The following ZSCAN10 variants were observed in gnomAD, a reference collection of about 807,000 sequenced individuals.
ZSCAN10 encodes zinc finger and SCAN domain-containing protein 10.
A neutral mutation model predicts 63.7 loss-of-function variants in ZSCAN10; 52 were observed. The ratio of observed to expected loss-of-function variants is 0.82; its 90% CI spans 0.65 to 1.03. The LOEUF (loss-of-function observed/expected upper bound fraction) is 1.03, where lower values mean the gene tolerates loss of function less well. Ranked by LOEUF, ZSCAN10 falls within the 50% of genes least tolerant of loss-of-function variation. The probability of loss-of-function intolerance (pLI) is 0.00; values close to 1 mark genes in which losing one functional copy is unlikely to be tolerated. For missense variants in ZSCAN10, 1,223 were observed against 1,103.8 expected (o/e 1.11, Z -1.53); for synonymous variants, 544 against 479.6 (o/e 1.13, Z -1.76).
chr16:3,090,082 A>C lies in ZSCAN10; in HGVS notation c.1352T>G (p.Leu451Arg). 1 of 1,605,128 alleles carries C rather than the reference A, an allele frequency of 6.2e-7. No homozygotes were observed. Among genetic ancestry groups the C allele is most frequent in the Non-Finnish European group, 8.5e-7 (1 of 1,179,052 alleles). ...FQRRASLVQH[L>R]LAHAQDQKPP... The stretch of plus-strand genomic sequence containing the variant: ...CTTCTGGTCCTGGGCGTGCGCCAGC[A>C]GGTGCTGCACAAGGCTGGCGCGGCG... The change falls in exon 6 of 6, where the codon CTG (leucine) becomes CGG (arginine). Residue 451 changes from leucine to arginine, a missense_variant. Leu to Arg is a moderately radical substitution (Grantham distance 102). Coordinates refer to ENST00000576985, the MANE Select transcript of ZSCAN10 (RefSeq NM_032805.3).
Position 3,091,560 on chromosome 16 carries a change from G to A in ZSCAN10, c.767C>T (p.Ala256Val), listed in dbSNP as rs758487406. Residue 256 changes from alanine to valine, a missense_variant, in exon 5 of 6, where the codon GCG (alanine) becomes GTG (valine). Physicochemically the swap from Ala to Val is moderately conservative, Grantham distance 64 (BLOSUM62 0). Transcript: ENST00000576985. ...LTFEDVPENK[A>V]WPAHPLGFGS... ...CTTACCCAGGGGGTGTGCAGGCCAC[G>A]CCTTATTCTCTGGCACATCCTCAAA... 14 of 1,614,158 alleles carry A rather than the reference G, an allele frequency of 8.7e-6. No homozygotes were observed. In the Middle Eastern group the frequency reaches 4.9e-4, roughly 57 times the overall value.
Position 3,089,119 on chromosome 16 carries a change from C to CGCAGGTGGCGCA in ZSCAN10, c.2303_2314dup (p.Leu768_Leu771dup). On this transcript the variant is annotated inframe_insertion, in exon 6 of 6. Coordinates refer to ENST00000576985, the MANE Select transcript of ZSCAN10 (RefSeq NM_032805.3). Reference sequence around the variant, plus strand: ...GTACAGCGTCTCGCGGGCGTGGGTGCGCAGGTGGCGCAGCAGGTGGGAGTT... The same window carrying CGCAGGTGGCGCA: ...GTACAGCGTCTCGCGGGCGTGGGTGCGCAGGTGGCGCAGCAGGTGGCGCAGCAGGTGGGAGTT... The CGCAGGTGGCGCA allele has an allele frequency of 6.6e-7, 1 of 1,516,788 alleles. No individual in the cohort carries two copies. The highest frequency in any genetic ancestry group is 2.3e-5 in the East Asian group (1 of 43,092). 94.0% of individuals were successfully genotyped at this position (1,516,788 alleles called of 1,614,324 possible). A position where few individuals can be genotyped will look rare whatever the true frequency, so the allele number is the denominator to read the frequency against.
rs554846409 is a variant in ZSCAN10 at position 3,091,452 on chromosome 16, G to C, written c.787+88C>G. The C allele has an allele frequency of 2.8e-6, 4 of 1,453,088 alleles. No individual in the cohort carries two copies. In the East Asian group the frequency reaches 9.1e-5, roughly 33 times the overall value. 90.0% of individuals were successfully genotyped at this position (1,453,088 alleles called of 1,614,324 possible). ...TGAGCCCAGGAGTGGAGACTAGCCT[G>C]GGCAACATAGCGAGATTCCATCTCT... is the stretch of plus-strand genomic sequence containing the variant. On this transcript the variant is annotated intron_variant, in intron 5 of 5. Transcript: ENST00000576985.
intron 1 of ZSCAN10, among the ~76,000 whole-genome samples, chr16:3,097,099 A>G (rs1424372802): frequency 6.7e-6 from 1 of 149,704 alleles, no homozygotes; most frequent in Non-Finnish European, 1.5e-5. Flanking sequence ...TCTGTCTCAA[A>G]AAAAAAAAAA....
Position 3,090,041 on chromosome 16 carries a change from C to T in ZSCAN10, c.1393G>A (p.Glu465Lys), listed in dbSNP as rs139013310. ...AGTGGCGGCGCTTCGGCCTTACTCT[C>T]AGGAGCGCAGGGCGGCTTCTGGTCC... ...AQDQKPPCAP[E>K]SKAEAPPLTD... is the part of the protein sequence containing the mutation. The change falls in exon 6 of 6, where the codon GAG becomes AAG. Residue 465 changes from glutamate (E) to lysine (K), a missense_variant. Transcript: ENST00000576985. 132 of 1,599,998 alleles carry T rather than the reference C, an allele frequency of 8.3e-5. No homozygotes were observed. In the East Asian group the frequency reaches 2.8e-3, roughly 34 times the overall value.
Position 3,089,511 on chromosome 16 carries a change from C to T in ZSCAN10, c.1923G>A (p.Glu641=). The change falls in exon 6 of 6, where the codon GAG becomes GAA. Residue 641 remains glutamate (E), a synonymous_variant. Transcript: ENST00000576985. ...EKPCRCSECG[E]GFSQSAHLAR... ...CCAGGTGGGCGCTCTGGCTGAAGCC[C>T]TCACCGCACTCGCTGCAGCGGCAGG... 6.2e-7 allele frequency: 1 copy of T among 1,601,424 alleles called. No individual in the cohort carries two copies.
Position 3,092,624 on chromosome 16 carries a change from T to G in ZSCAN10, c.314A>C (p.Gln105Pro), listed in dbSNP as rs1353836267. The change falls in exon 2 of 6, where the codon CAG (glutamine) becomes CCG (proline). Residue 105 changes from glutamine to proline, a missense_variant. Transcript: ENST00000576985. ...VLPPHLLGRL[Q>P]GQPLRDGEEV... ...CTCCCCATCCCTGAGCGGCTGCCCC[T>G]GCAGGCGGCCCAGGAGGTGCGGAGG... 2 of 1,606,928 alleles carry G rather than the reference T, an allele frequency of 1.2e-6. No individual in the cohort carries two copies. The highest frequency in any genetic ancestry group is 1.7e-6 in the Non-Finnish European group (2 of 1,177,428).
Position 3,090,197 on chromosome 16 carries a change from A to C in ZSCAN10, c.1237T>G (p.Phe413Val), listed in dbSNP as rs899271898. Residue 413 changes from phenylalanine to valine, a missense_variant, in exon 6 of 6, where the codon TTC (phenylalanine) becomes GTC (valine). By Grantham distance (50) the Phe-to-Val change is conservative. Coordinates refer to ENST00000576985, the MANE Select transcript of ZSCAN10 (RefSeq NM_032805.3). ...TTGCTCAGGTGCGAGCTCTGGCGGA[A>C]GCGGTGGCCGCACAGGTGGCAGGCG... ...PHACHLCGHR[F>V]RQSSHLSKHL... is the part of the protein sequence containing the mutation. 1 of 1,605,918 alleles carries C rather than the reference A, an allele frequency of 6.2e-7. No homozygotes were observed. Among genetic ancestry groups the C allele is most frequent in the Non-Finnish European group, 8.5e-7 (1 of 1,179,292 alleles).
At position 3,092,956 on chromosome 16, in the gene ZSCAN10, C is replaced by A. The variant is rs938892020; in HGVS notation, c.-19G>T. On this transcript the variant is annotated 5_prime_UTR_variant, in exon 2 of 6. The change creates a new upstream start codon in the 5' untranslated region. Coordinates refer to ENST00000576985, the MANE Select transcript of ZSCAN10 (RefSeq NM_032805.3). The stretch of plus-strand genomic sequence containing the variant: ...CAAGCATCCTTCACTGCGGGGATGC[C>A]TCCCTAACGCCAGCCCCGCTCTTGG... 9.2e-6 allele frequency: 13 copies of A among 1,412,438 alleles called. No homozygotes were observed. Among genetic ancestry groups the A allele is most frequent in the African/African-American group, 1.5e-5 (1 of 68,760 alleles). The allele number at this position is 1,412,438 out of a possible 1,614,324, so 87.5% of individuals were successfully genotyped here.
chr16:3,091,472 A>G (rs1345239929), intron 5 of ZSCAN10, 68 bp downstream of exon 5: 3 of 1,552,874 alleles, frequency 1.9e-6, no homozygotes, highest in Admixed American at 1.7e-5. Flanking sequence ...GCGAGATTCC[A>G]TCTCTTTAAA....
intron 1 of ZSCAN10, among the ~76,000 whole-genome samples, chr16:3,097,596 CG>C (rs1957168279): frequency 6.6e-6 from 1 of 152,178 alleles, no homozygotes; most frequent in South Asian, 2.1e-4. Flanking sequence ...ACCCCCGAGC[CG>C]GAACTACGCT....
chr16:3,090,347 TC>T lies in ZSCAN10; in HGVS notation c.1086del (p.Lys363ArgfsTer57). On this transcript the variant is annotated frameshift_variant, in exon 6 of 6. Coordinates refer to ENST00000576985, the MANE Select transcript of ZSCAN10 (RefSeq NM_032805.3). LOFTEE classifies it high-confidence loss of function. ...CGVSFPQLSR[L>X]KAHQLRSHPA... ...GGGTGCGAGCGCAGCTGGTGCGCCT[TC>T]AGGCGAGACAGCTGCGGGAAGCTCA... The T allele has an allele frequency of 6.2e-7, 1 of 1,611,590 alleles. No individual in the cohort carries two copies. The highest frequency in any genetic ancestry group is 8.5e-7 in the Non-Finnish European group (1 of 1,179,026).
rs754680342 is a variant in ZSCAN10, at chr16:3,090,623, T to C, written c.811A>G (p.Lys271Glu). The change falls in exon 6 of 6, where the codon AAG becomes GAG. Residue 271 changes from lysine (K) to glutamate (E), a missense_variant. Lys to Glu is a moderately conservative substitution (Grantham distance 56, BLOSUM62 1). Transcript: ENST00000576985. ...PLGFGSRTPD[K>E]EEFKQEEPKG... is the part of the protein sequence containing the mutation. ...GGCTCTTCTTGTTTAAATTCCTCCTTGTCTGGGGTTCTGCTTCCGAATCCT... is the reference window on the plus strand; with the variant it reads ...GGCTCTTCTTGTTTAAATTCCTCCTCGTCTGGGGTTCTGCTTCCGAATCCT... 2 of 1,548,126 alleles carry C rather than the reference T, an allele frequency of 1.3e-6. No individual in the cohort carries two copies. Among genetic ancestry groups the C allele is most frequent in the African/African-American group, 2.8e-5 (2 of 72,182 alleles).
chr16:3,096,693 C>G (rs1009475348), intron 1 of ZSCAN10, among the ~76,000 whole-genome samples: 1 of 152,056 alleles, frequency 6.6e-6, no homozygotes, highest in Non-Finnish European at 1.5e-5. Flanking sequence ...TGTGGGTGGC[C>G]GAGGTGGATG....
intron 1 of ZSCAN10, among the ~76,000 whole-genome samples, chr16:3,095,456 G>C (rs1253438708): frequency 4.6e-5 from 7 of 151,382 alleles, no homozygotes; most frequent in Non-Finnish European, 7.4e-5. Flanking sequence ...GGCGGAGCTT[G>C]CAGTGAGCCG....
chr16:3,089,024 G>T lies in ZSCAN10; in HGVS notation c.*67C>A. 7.1e-7 allele frequency: 1 copy of T among 1,415,272 alleles called. No homozygotes were observed. The highest frequency in any genetic ancestry group is 1.5e-5 in the African/African-American group (1 of 66,034). The allele number at this position is 1,415,272 out of a possible 1,614,324, so 87.7% of individuals were successfully genotyped here. A position where few individuals can be genotyped will look rare whatever the true frequency, so the allele number is the denominator to read the frequency against. ...GGGTGTGGTGGGAAGGGACATTCCTGCAGGCCTCCGCTGTGGAGGACCCCG... is the reference window on the plus strand; with the variant it reads ...GGGTGTGGTGGGAAGGGACATTCCTTCAGGCCTCCGCTGTGGAGGACCCCG... On this transcript the variant is annotated 3_prime_UTR_variant, in exon 6 of 6. Transcript: ENST00000576985.
chr16:3,091,451 T>C (rs1325354251), intron 5 of ZSCAN10, 89 bp downstream of exon 5: 5 of 1,454,768 alleles, frequency 3.4e-6, no homozygotes, highest in African/African-American at 2.8e-5. Context: ...GAGACTAGCC[T>C]GGGCAACATA....
chr16:3,098,799 G>A (rs1199861571), intron 1 of ZSCAN10, among the ~76,000 whole-genome samples: 1 of 152,242 alleles, frequency 6.6e-6, no homozygotes, highest in Non-Finnish European at 1.5e-5. Flanking sequence ...AGTTGGGGAA[G>A]GCGGCAAAGG....
Position 3,092,990 on chromosome 16 carries a change from C to T in ZSCAN10, c.-53G>A. On this transcript the variant is annotated 5_prime_UTR_variant, in exon 2 of 6. Coordinates refer to ENST00000576985, the MANE Select transcript of ZSCAN10 (RefSeq NM_032805.3). ...GCCAGCCCCGCTCTTGGGTCTCTCT[C>T]CTCTCCTCCCACACCTGCGAAGGTG... 7.2e-7 allele frequency: 1 copy of T among 1,391,344 alleles called. No homozygotes were observed. Among genetic ancestry groups the T allele is most frequent in the Non-Finnish European group, 9.3e-7 (1 of 1,076,312 alleles). The allele number at this position is 1,391,344 out of a possible 1,614,324, so 86.2% of individuals were successfully genotyped here.
Sources: gnomAD v4.1 joint callset for allele counts (sites outside exome capture counted in the v4.1 genomes callset) on GRCh38, gnomAD v4.1.1 for gene constraint, MANE v1.5 for transcripts, NCBI Gene and HGNC (gene_info 2026-07-23, HGNC 2026-07-21) for gene names.